The following LYN variants were observed in gnomAD, a reference collection of about 807,000 sequenced individuals.
The protein encoded by LYN is tyrosine-protein kinase Lyn.
Under a neutral mutation model 65.0 loss-of-function variants are expected in LYN, and 12 were observed. The ratio of observed to expected loss-of-function variants is 0.18; its 90% confidence interval spans 0.12 to 0.30. The LOEUF is 0.30. LYN is among the 10% of genes least tolerant of loss of function. LYN has a pLI of 1.00. For synonymous variants in LYN, 222 were observed against 221.2 expected, an observed-to-expected ratio of 1.00 and a Z score of -0.03; for missense variants, 380 against 623.2, an observed-to-expected ratio of 0.61 and a Z score of 4.16.
In LYN at chr8:56,012,464, C is replaced by T. The variant is rs370353205; in HGVS notation, c.*2354C>T. 5.8e-5 allele frequency: 10 copies of T among 171,496 alleles called. No individual in the cohort carries two copies. The highest frequency in any genetic ancestry group is 2.5e-3 in the Middle Eastern group (1 of 404). The allele number at this position is 171,496 out of a possible 1,614,324, so 10.6% of individuals were successfully genotyped here. On this transcript the variant is annotated 3_prime_UTR_variant, in exon 13 of 13. Transcript: ENST00000519728. Reference sequence around the variant, plus strand: ...GTCAGCTAGACACAGTGGCTCATGCCTGTAATCTCAGCACTTTGGGAGGCT... The same window carrying T: ...GTCAGCTAGACACAGTGGCTCATGCTTGTAATCTCAGCACTTTGGGAGGCT...
chr8:55,967,631 T>C (rs1341609432), intron 9 of LYN, among the ~76,000 whole-genome samples: 1 of 152,198 alleles, frequency 6.6e-6, no homozygotes, highest in Non-Finnish European at 1.5e-5. Flanking sequence ...TTTAGCGTTA[T>C]CTAATATTCA....
At chr8:55,951,717 A>C (rs537362563) in intron 6 of LYN, among the ~76,000 whole-genome samples, 1 of 152,240 alleles carries the variant, frequency 6.6e-6, no homozygotes, top group South Asian at 2.1e-4. Context: ...AATGTAGCTA[A>C]ATAATAATTT....
At chr8:55,893,792 T>C (rs1047505362) in intron 1 of LYN, 1 of 126,316 alleles carries the variant, frequency 7.9e-6, no homozygotes, top group African/African-American at 2.7e-5. Flanking sequence ...TTTTGTTGTT[T>C]TGTTTTGTTT....
At chr8:55,886,311 A>G (rs1804791952) in intron 1 of LYN, among the ~76,000 whole-genome samples, 1 of 139,794 alleles carries the variant, frequency 7.2e-6, no homozygotes, top group African/African-American at 2.7e-5. Flanking sequence ...TGCAATCTCC[A>G]CTCACTGCAA....
At chr8:55,915,096 G>A (rs1805747435) in intron 1 of LYN, among the ~76,000 whole-genome samples, 2 of 152,160 alleles carry the variant, frequency 1.3e-5, no homozygotes, top group South Asian at 4.1e-4. Context: ...CTTGTACCCT[G>A]TGTTAAAGCC....
intron 10 of LYN, among the ~76,000 whole-genome samples, chr8:55,974,114 T>G (rs1254685576): frequency 6.6e-6 from 1 of 152,210 alleles, no homozygotes; most frequent in African/African-American, 2.4e-5. Flanking sequence ...AAACTTGGAC[T>G]TGGCCAAGGT....
chr8:55,896,471 A>C (rs1386253714), intron 1 of LYN, among the ~76,000 whole-genome samples: 1 of 151,698 alleles, frequency 6.6e-6, no homozygotes, highest in African/African-American at 2.4e-5. Flanking sequence ...ACATGGACAC[A>C]GGGAGGGGAA....
intron 12 of LYN, among the ~76,000 whole-genome samples, chr8:56,003,237 AT>A (rs1307934766): frequency 1.3e-5 from 2 of 149,518 alleles, no homozygotes; most frequent in Non-Finnish European, 1.5e-5. Context: ...TTTTTTTTTT[AT>A]TTTTACTAGA....
At chr8:55,999,257 T>C (rs1405786404) in intron 11 of LYN, among the ~76,000 whole-genome samples, 161 bp from the exon 12 acceptor site, 2 of 152,182 alleles carry the variant, frequency 1.3e-5, no homozygotes, top group Admixed American at 6.5e-5. Context: ...GAGGTGAAGG[T>C]TGCAGTGAGC....
intron 4 of LYN, among the ~76,000 whole-genome samples, chr8:55,949,665 C>A: frequency 6.6e-6 from 1 of 152,304 alleles, no homozygotes. Flanking sequence ...TTAGCATATC[C>A]ATCATCTGGA....
chr8:55,910,315 A>G (rs1805563024), intron 1 of LYN, among the ~76,000 whole-genome samples: 1 of 152,044 alleles, frequency 6.6e-6, no homozygotes. Context: ...TCTTGAGTTG[A>G]TTTTTGTATA....
chr8:56,003,427 T>C (rs1285870436), intron 12 of LYN, among the ~76,000 whole-genome samples: 1 of 152,018 alleles, frequency 6.6e-6, no homozygotes, highest in Non-Finnish European at 1.5e-5. Flanking sequence ...ATGCCTGTAA[T>C]CCCAACTTGG....
chr8:55,947,980 A>ATT (rs112748159), intron 4 of LYN, among the ~76,000 whole-genome samples: 100 of 149,700 alleles, frequency 6.7e-4, no homozygotes, highest in African/African-American at 2.2e-3. Context: ...CTTTAAAACA[A>ATT]TTTTTTTTTT....
intron 8 of LYN, among the ~76,000 whole-genome samples, chr8:55,957,448 T>A (rs1354554519): frequency 6.6e-6 from 1 of 152,218 alleles, no homozygotes; most frequent in Admixed American, 6.5e-5. Context: ...TTAATCAGGA[T>A]GTACTGGTTC....
chr8:55,986,899 A>G (rs1808087361), intron 10 of LYN, among the ~76,000 whole-genome samples: 1 of 151,952 alleles, frequency 6.6e-6, no homozygotes, highest in African/African-American at 2.4e-5. Context: ...CTAATTTTTA[A>G]TTTTTTGTAG....
intron 8 of LYN, among the ~76,000 whole-genome samples, chr8:55,957,814 G>C (rs1807163350): frequency 6.6e-6 from 1 of 152,146 alleles, no homozygotes; most frequent in Non-Finnish European, 1.5e-5. Flanking sequence ...GAGCATGGTG[G>C]TGTTGCACCT....
intron 10 of LYN, among the ~76,000 whole-genome samples, chr8:55,970,379 C>T (rs1318101389): frequency 6.6e-6 from 1 of 152,178 alleles, no homozygotes; most frequent in Non-Finnish European, 1.5e-5. Flanking sequence ...AGAGCAGAAG[C>T]AAGTTATCCA....
chr8:55,979,991 A>G (rs1213012435), intron 10 of LYN, among the ~76,000 whole-genome samples: 1 of 152,160 alleles, frequency 6.6e-6, no homozygotes, highest in South Asian at 2.1e-4. Flanking sequence ...AGCCCTCCAG[A>G]GGCCCTGCCC....
chr8:56,000,727 C>CAAAAA (rs1043054300), intron 12 of LYN, among the ~76,000 whole-genome samples: 2 of 46,830 alleles, frequency 4.3e-5, no homozygotes, highest in Non-Finnish European at 8.3e-5. Flanking sequence ...GACTCTGTCT[C>CAAAAA]AAAAAAAAAA....
Sources: allele counts gnomAD v4.1 joint callset (sites outside exome capture counted in the v4.1 genomes callset), GRCh38; gene constraint gnomAD v4.1.1; transcripts MANE v1.5; gene names NCBI Gene and HGNC (gene_info 2026-07-23, HGNC 2026-07-21).